Variants in PIGU observed in about 807,000 individuals in gnomAD.
PIGU encodes GPI-anchor transamidase component PIGU.
A neutral mutation model predicts 49.9 loss-of-function variants in PIGU; 24 were observed. The observed-to-expected ratio is 0.48, with a 90% CI of 0.35 to 0.68. The LOEUF (loss-of-function observed/expected upper bound fraction) is 0.68. PIGU is among the 30% of genes least tolerant of loss of function. PIGU has a pLI of 0.01. For missense variants in PIGU, 490 were observed against 532.6 expected (o/e 0.92, Z 0.79); for synonymous variants, 220 against 205.7 (o/e 1.07, Z -0.59).
chr20:34,664,231 G>A, intron 1 of PIGU, among the ~76,000 whole-genome samples: 1 of 152,084 alleles, frequency 6.6e-6, no homozygotes, highest in Non-Finnish European at 1.5e-5. Context: ...GCTCATCGCA[G>A]CCTCAACCTT....
chr20:34,575,062 G>A (rs769236341), intron 11 of PIGU, 42 bp downstream of exon 11: 1 of 1,606,980 alleles, frequency 6.2e-7, no homozygotes, highest in South Asian at 1.1e-5. Flanking sequence ...GCTGCAAAAT[G>A]AATTCCTGTC....
rs1456205225 is a variant in PIGU at position 34,618,779 on chromosome 20, C to T, written c.530-2640G>A. Among the ~76,000 whole-genome samples, 10 of 151,954 alleles carry T rather than the reference C, an allele frequency of 6.6e-5. No individual in the cohort carries two copies. The South Asian group carries it at 8.3e-4, about 13-fold the overall frequency. On this transcript the variant is annotated intron_variant, in intron 6 of 11. Transcript: ENST00000217446. ...TCCAGCCTGGGTGACAGAGTAAGAC[C>T]CTGTTTCAAATAAAAAAATAAAAAT...
chr20:34,672,861 A>T (rs901356541), intron 1 of PIGU, among the ~76,000 whole-genome samples: 8 of 149,022 alleles, frequency 5.4e-5, no homozygotes, highest in Admixed American at 2.0e-4. Flanking sequence ...TCTCTCAAAA[A>T]AAAAAAAAAA....
chr20:34,627,402 C>T (rs987232668), intron 6 of PIGU, among the ~76,000 whole-genome samples: 3 of 151,274 alleles, frequency 2.0e-5, no homozygotes, highest in African/African-American at 4.9e-5. Flanking sequence ...TATAACATTA[C>T]GAAAATGTCT....
At chr20:34,574,512 C>G (rs923808909) in intron 11 of PIGU, among the ~76,000 whole-genome samples, 1 of 152,148 alleles carries the variant, frequency 6.6e-6, no homozygotes, top group Non-Finnish European at 1.5e-5. Context: ...GAGCTCCTTG[C>G]TGGTACTCCT....
intron 7 of PIGU, among the ~76,000 whole-genome samples, chr20:34,603,151 A>C (rs1984493394): frequency 6.6e-6 from 1 of 152,036 alleles, no homozygotes; most frequent in Non-Finnish European, 1.5e-5. Context: ...TATTTCTTGC[A>C]AATTGCAGCT....
At position 34,650,700 on chromosome 20, in the gene PIGU, CTTTTTTTTTTTTTTT is replaced by C. The variant is rs59998699; in HGVS notation, c.196-5381_196-5367del. Among the ~76,000 whole-genome samples, 7 of 38,776 alleles carry C rather than the reference CTTTTTTTTTTTTTTT, an allele frequency of 1.8e-4. No individual in the cohort carries two copies. In the East Asian group the frequency reaches 4.6e-3, roughly 25 times the overall value. The allele number at this position is 38,776 out of a possible 152,430, so 25.4% of individuals were successfully genotyped here. ...AATTTTTTTCCTTTTCTTTTTTTCT[CTTTTTTTTTTTTTTT>C]TTTTTTTTTTTTTTTTGAGAAGGAG... On this transcript the variant is annotated intron_variant, in intron 2 of 11. Transcript: ENST00000217446.
At chr20:34,637,215 C>T (rs538086444) in intron 5 of PIGU, among the ~76,000 whole-genome samples, 27 of 152,278 alleles carry the variant, frequency 1.8e-4, no homozygotes, top group African/African-American at 5.5e-4. Context: ...TGTTTTTCCA[C>T]GAGGAAACTT....
chr20:34,653,850 G>A (rs946912212), intron 2 of PIGU, among the ~76,000 whole-genome samples: 31 of 152,096 alleles, frequency 2.0e-4, no homozygotes, highest in Middle Eastern at 3.4e-3. Flanking sequence ...CTAAGGTGAT[G>A]AGAGACACCT....
At chr20:34,664,528 G>C (rs1287919218) in intron 1 of PIGU, among the ~76,000 whole-genome samples, 2 of 151,738 alleles carry the variant, frequency 1.3e-5, no homozygotes, top group Non-Finnish European at 2.9e-5. Flanking sequence ...GTGAAACCCT[G>C]TCTTTACTAA....
chr20:34,667,055 T>A (rs1290966621), intron 1 of PIGU, among the ~76,000 whole-genome samples: 1 of 151,898 alleles, frequency 6.6e-6, no homozygotes, highest in Non-Finnish European at 1.5e-5. Flanking sequence ...TTGCTCAGGC[T>A]GGTCTCAAAC....
rs71194627 is a variant in PIGU at position 34,595,095 on chromosome 20, CAAAAAAAAAA to C, written c.628-6498_628-6489del. On this transcript the variant is annotated intron_variant, in intron 7 of 11. Transcript: ENST00000217446. ...TGGGAAACAGAGCAAGACTCCGTCT[CAAAAAAAAAA>C]AAAAAAAAAAAAAGAAAAGAAAATA... 5.9e-3 allele frequency among the ~76,000 whole-genome samples: 423 copies of C among 71,374 alleles called. 2 individuals carry two copies. Among genetic ancestry groups the C allele is most frequent in the African/African-American group, 0.023 (400 of 17,680 alleles). 46.8% of individuals were successfully genotyped at this position (71,374 alleles called of 152,430 possible). A position where few individuals can be genotyped will look rare whatever the true frequency, so the allele number is the denominator to read the frequency against.
Position 34,602,570 on chromosome 20 carries a change from C to T in PIGU, c.627+13472G>A, listed in dbSNP as rs1339603022. Among the ~76,000 whole-genome samples, 6 of 152,002 alleles carry T rather than the reference C, an allele frequency of 3.9e-5. No individual in the cohort carries two copies. The East Asian group carries it at 1.2e-3, about 29-fold the overall frequency. On this transcript the variant is annotated intron_variant, in intron 7 of 11. Coordinates refer to ENST00000217446, the MANE Select transcript of PIGU (RefSeq NM_080476.5). ...TGAGATTGTGCCACAGCACTCCAGC[C>T]TGGGCGACACAGCAAGACTCCATCT...
At chr20:34,658,871 G>A (rs1329477477) in intron 1 of PIGU, among the ~76,000 whole-genome samples, 35 of 151,580 alleles carry the variant, frequency 2.3e-4, no homozygotes, top group South Asian at 1.7e-3. Context: ...GAGCATCTCC[G>A]CCCGGCAGCC....
At chr20:34,605,931 T>C (rs1204130969) in intron 7 of PIGU, among the ~76,000 whole-genome samples, 2 of 152,140 alleles carry the variant, frequency 1.3e-5, no homozygotes, top group African/African-American at 2.4e-5. Flanking sequence ...CATTCTCCTA[T>C]ATACCATAAT....
chr20:34,658,618 T>C (rs1986795363), intron 1 of PIGU, among the ~76,000 whole-genome samples: 1 of 138,680 alleles, frequency 7.2e-6, no homozygotes, highest in African/African-American at 2.7e-5. Context: ...CCGTCTGGGA[T>C]GTGAGGAGCG....
chr20:34,604,041 T>C (rs374807442), intron 7 of PIGU, among the ~76,000 whole-genome samples: 1 of 152,244 alleles, frequency 6.6e-6, no homozygotes, highest in East Asian at 1.9e-4. Context: ...AATTTCCACA[T>C]GAATTTTTAA....
chr20:34,585,466 G>A lies in PIGU; in HGVS notation c.897C>T (p.Phe299=). 1 of 1,614,178 alleles carries A rather than the reference G, an allele frequency of 6.2e-7. No individual in the cohort carries two copies. The highest frequency in any genetic ancestry group is 8.5e-7 in the Non-Finnish European group (1 of 1,179,978). The stretch of plus-strand genomic sequence containing the variant: ...GCTTTATGGCTAAGGGGATGGTGTA[G>A]AAGAAGACGTTGATCTGAAACACAC... ...FVCVFQINVF[F]YTIPLAIKLK... Residue 299 remains phenylalanine (F), a synonymous_variant, in exon 9 of 12, where the codon TTC becomes TTT. Transcript: ENST00000217446.
intron 1 of PIGU, among the ~76,000 whole-genome samples, chr20:34,674,940 T>C (rs1393347921): frequency 3.2e-5 from 2 of 62,256 alleles, no homozygotes; most frequent in Non-Finnish European, 3.0e-5. Flanking sequence ...AGACCCTGTC[T>C]CTTGAAGAAA....
Sources: gnomAD v4.1 joint callset for allele counts (sites outside exome capture counted in the v4.1 genomes callset) on GRCh38, gnomAD v4.1.1 for gene constraint, MANE v1.5 for transcripts, NCBI Gene and HGNC (gene_info 2026-07-23, HGNC 2026-07-21) for gene names.